The following RASEF variants were observed in gnomAD, a reference collection of about 807,000 sequenced individuals.
RASEF encodes the protein RAS and EF-hand domain containing.
RASEF carries 68 observed loss-of-function variants against 90.1 expected under a neutral mutation model. That is an observed-to-expected ratio of 0.75 (90% CI 0.62 to 0.92). The LOEUF (loss-of-function observed/expected upper bound fraction) is 0.92, where lower values mean the gene tolerates loss of function less well. Ranked by LOEUF, RASEF falls within the 40% of genes least tolerant of loss-of-function variation. The probability of loss-of-function intolerance (pLI) is 0.00; values close to 1 mark genes in which losing one functional copy is unlikely to be tolerated. For synonymous variants in RASEF, 331 were observed against 345.2 expected (o/e 0.96, Z 0.46); for missense variants, 949 against 937.2 (o/e 1.01, Z -0.16).
chr9:83,048,814 T>C (rs1376763502), intron 1 of RASEF: 3 of 942,378 alleles, frequency 3.2e-6, no homozygotes, highest in Non-Finnish European at 3.8e-6. Flanking sequence ...TCATACTTGA[T>C]TAACATGTAG....
At chr9:83,122,236 C>T in the RASEF span, among the ~76,000 whole-genome samples, 1 of 152,094 alleles carries the variant, frequency 6.6e-6, no homozygotes. Flanking sequence ...GACCTTGTCC[C>T]CCATGAGCCC....
chr9:83,115,005 T>C, the RASEF span, among the ~76,000 whole-genome samples: 3 of 152,206 alleles, frequency 2.0e-5, no homozygotes, highest in Non-Finnish European at 4.4e-5. Flanking sequence ...TTTTACGGCT[T>C]GGGGGACATC....
chr9:83,060,126 T>C (rs1005907285), intron 1 of RASEF, among the ~76,000 whole-genome samples: 6 of 152,142 alleles, frequency 3.9e-5, no homozygotes, highest in African/African-American at 9.6e-5. Context: ...CTCCCCAGGA[T>C]AGCCCTGGGG....
the RASEF span, among the ~76,000 whole-genome samples, chr9:83,147,057 T>TATATATAA: frequency 6.8e-6 from 1 of 147,688 alleles, no homozygotes; most frequent in East Asian, 2.0e-4. Flanking sequence ...TATATATATA[T>TATATATAA]ATAAATATGT....
At chr9:83,182,366 G>A in the RASEF span, among the ~76,000 whole-genome samples, 4 of 152,090 alleles carry the variant, frequency 2.6e-5, no homozygotes, top group African/African-American at 4.8e-5. Context: ...CCAATCCACC[G>A]ACATTGGCAC....
the RASEF span, among the ~76,000 whole-genome samples, chr9:83,216,120 A>G: frequency 6.6e-6 from 1 of 152,344 alleles, no homozygotes; most frequent in East Asian, 1.9e-4. Context: ...AGCAGAGCAT[A>G]AAAGTTCAGA....
At chr9:83,120,244 G>A in the RASEF span, among the ~76,000 whole-genome samples, 12 of 152,164 alleles carry the variant, frequency 7.9e-5, no homozygotes, top group African/African-American at 1.2e-4. Flanking sequence ...ACTAGGGAAG[G>A]TCAATTGTGA....
the RASEF span, among the ~76,000 whole-genome samples, chr9:83,092,992 T>G: frequency 6.6e-6 from 1 of 151,558 alleles, no homozygotes; most frequent in Admixed American, 6.6e-5. Flanking sequence ...AGATACAAAG[T>G]GCCGATTGGT....
the RASEF span, among the ~76,000 whole-genome samples, chr9:83,112,836 G>GTTTTTT: frequency 6.6e-6 from 1 of 151,556 alleles, no homozygotes; most frequent in African/African-American, 2.4e-5. Flanking sequence ...TTTGTTTTTT[G>GTTTTTT]TTTTTTTAAT....
In RASEF at chr9:83,017,380, G is replaced by A. The variant is rs751518130; in HGVS notation, c.670-1480C>T. Reference sequence around the variant, plus strand: ...CCGGGTGTGGTGGCAGGCGCCTGTTGTCCCAGCTACTCGGGAGGCTGAGGC... The same window carrying A: ...CCGGGTGTGGTGGCAGGCGCCTGTTATCCCAGCTACTCGGGAGGCTGAGGC... On this transcript the variant is annotated intron_variant, in intron 3 of 16. Transcript: ENST00000376447. 2.6e-3 allele frequency among the ~76,000 whole-genome samples: 396 copies of A among 151,062 alleles called. 4 individuals carry two copies. The highest frequency in any genetic ancestry group is 6.5e-3 in the South Asian group (31 of 4,746).
chr9:83,085,935 A>AAAAAAT, the RASEF span, among the ~76,000 whole-genome samples: 1 of 152,090 alleles, frequency 6.6e-6, no homozygotes, highest in Non-Finnish European at 1.5e-5. Context: ...CAAAAAAAAT[A>AAAAAAT]AAAAATAAAA....
chr9:83,128,871 A>G, the RASEF span, among the ~76,000 whole-genome samples: 5 of 152,226 alleles, frequency 3.3e-5, no homozygotes, highest in African/African-American at 9.6e-5. Context: ...AGGCAGAGAC[A>G]TAGTCAGTGG....
the RASEF span, among the ~76,000 whole-genome samples, chr9:83,073,477 C>T: frequency 6.6e-6 from 1 of 151,934 alleles, no homozygotes; most frequent in Non-Finnish European, 1.5e-5. Flanking sequence ...TATGAATCCT[C>T]CTCTTAATGG....
At chr9:83,183,692 GA>G in the RASEF span, among the ~76,000 whole-genome samples, 2 of 152,134 alleles carry the variant, frequency 1.3e-5, no homozygotes, top group Non-Finnish European at 2.9e-5. Flanking sequence ...GTACTACTAA[GA>G]AAGTCAGTGA....
the RASEF span, among the ~76,000 whole-genome samples, chr9:83,119,857 C>T: frequency 6.6e-6 from 1 of 152,300 alleles, no homozygotes; most frequent in East Asian, 1.9e-4. Flanking sequence ...TAGATGTAGA[C>T]ACCTTCAAAG....
chr9:83,124,935 C>T, the RASEF span, among the ~76,000 whole-genome samples: 1,389 of 152,186 alleles, frequency 9.1e-3, 16 homozygotes, highest in African/African-American at 0.032. Flanking sequence ...AAAGCCAAGC[C>T]GAGGTGTTAT....
the RASEF span, among the ~76,000 whole-genome samples, chr9:83,214,387 A>AAAAT: frequency 2.0e-5 from 3 of 152,322 alleles, no homozygotes; most frequent in South Asian, 4.1e-4. Context: ...TCTGTCTCAA[A>AAAAT]AAATAAATAA....
At chr9:83,060,109 G>A (rs904269155) in intron 1 of RASEF, among the ~76,000 whole-genome samples, 6 of 152,114 alleles carry the variant, frequency 3.9e-5, no homozygotes, top group African/African-American at 1.4e-4. Flanking sequence ...CAAACTGGAT[G>A]TGAACACTCC....
chr9:83,085,346 G>T, the RASEF span, among the ~76,000 whole-genome samples: 1 of 152,190 alleles, frequency 6.6e-6, no homozygotes, highest in African/African-American at 2.4e-5. Flanking sequence ...TAAAAAAGAT[G>T]TTGCTGGTGG....
Sources: allele counts gnomAD v4.1 joint callset (sites outside exome capture counted in the v4.1 genomes callset), GRCh38; gene constraint gnomAD v4.1.1; transcripts MANE v1.5; gene names NCBI Gene and HGNC (gene_info 2026-07-23, HGNC 2026-07-21).